SIPA1L2: variants seen among roughly 807,000 people sequenced by gnomAD.
SIPA1L2 encodes the protein signal-induced proliferation-associated 1-like protein 2.
In SIPA1L2, 56 loss-of-function variants were observed where a neutral mutation model predicts 163.9. The ratio of observed to expected loss-of-function variants is 0.34; its 90% confidence interval spans 0.28 to 0.43. The LOEUF (loss-of-function observed/expected upper bound fraction) is 0.43. SIPA1L2 is among the 20% of genes least tolerant of loss of function. The pLI is 1.00. For synonymous variants in SIPA1L2, 877 were observed against 865.7 expected (o/e 1.01, Z -0.23); for missense variants, 1,974 against 2,193.5 (o/e 0.90, Z 2.00).
At chr1:232,625,407 T>C (rs1663021870) in intron 1 of SIPA1L2, among the ~76,000 whole-genome samples, 2 of 152,134 alleles carry the variant, frequency 1.3e-5, no homozygotes, top group African/African-American at 2.4e-5. Context: ...AAAAGCATGA[T>C]GGAAAGAATC....
intron 1 of SIPA1L2, among the ~76,000 whole-genome samples, chr1:232,606,999 TA>T (rs2102866295): frequency 1.3e-5 from 2 of 152,122 alleles, no homozygotes; most frequent in East Asian, 3.9e-4. Context: ...TAAATACAAT[TA>T]AAAGAAAATA....
chr1:232,522,795 G>C (rs569976389), intron 2 of SIPA1L2, among the ~76,000 whole-genome samples: 3 of 152,270 alleles, frequency 2.0e-5, no homozygotes, highest in African/African-American at 7.2e-5. Context: ...TAATATATGA[G>C]TGTATATTTA....
At chr1:232,593,683 T>C (rs1365791737) in intron 1 of SIPA1L2, among the ~76,000 whole-genome samples, 1 of 152,096 alleles carries the variant, frequency 6.6e-6, no homozygotes, top group Non-Finnish European at 1.5e-5. Context: ...CAACAAGTTG[T>C]TGAAATTAAA....
At chr1:232,517,520 A>G (rs1321714016) in intron 2 of SIPA1L2, among the ~76,000 whole-genome samples, 1 of 152,186 alleles carries the variant, frequency 6.6e-6, no homozygotes. Context: ...AAACTATTAA[A>G]TATTAAAACT....
At chr1:232,546,659 A>G (rs935501782) in intron 2 of SIPA1L2, among the ~76,000 whole-genome samples, 2 of 152,250 alleles carry the variant, frequency 1.3e-5, no homozygotes, top group African/African-American at 4.8e-5. Flanking sequence ...TCCATCGACT[A>G]AATGTCTAGG....
intron 3 of SIPA1L2, among the ~76,000 whole-genome samples, chr1:232,500,947 C>T (rs1303017214): frequency 6.6e-6 from 1 of 151,992 alleles, no homozygotes; most frequent in Non-Finnish European, 1.5e-5. Context: ...ACCCACCATC[C>T]TGATCAGCCA....
intron 2 of SIPA1L2, among the ~76,000 whole-genome samples, chr1:232,546,945 G>A (rs1244970885): frequency 3.9e-5 from 6 of 152,256 alleles, no homozygotes; most frequent in African/African-American, 1.4e-4. Flanking sequence ...GGCATTCCAG[G>A]TAGAAGGAGC....
At chr1:232,545,911 A>T (rs1317147211) in intron 2 of SIPA1L2, among the ~76,000 whole-genome samples, 1 of 152,236 alleles carries the variant, frequency 6.6e-6, no homozygotes, top group Non-Finnish European at 1.5e-5. Flanking sequence ...ATAGATGCAG[A>T]TCTTATGCAG....
intron 2 of SIPA1L2, among the ~76,000 whole-genome samples, chr1:232,563,955 T>TAGTGTG (rs1558270699): frequency 8.6e-6 from 1 of 116,770 alleles, no homozygotes; most frequent in South Asian, 2.9e-4. Flanking sequence ...TTTTTTTTTT[T>TAGTGTG]CGTGTGTGTG....
intron 5 of SIPA1L2, among the ~76,000 whole-genome samples, chr1:232,484,730 G>A (rs1665559160): frequency 6.6e-6 from 1 of 152,154 alleles, no homozygotes; most frequent in Admixed American, 6.5e-5. Flanking sequence ...GTAAGAAACT[G>A]GAGGCATTTT....
intron 18 of SIPA1L2, among the ~76,000 whole-genome samples, chr1:232,421,727 A>G (rs1158032172): frequency 6.6e-6 from 1 of 152,090 alleles, no homozygotes; most frequent in Non-Finnish European, 1.5e-5. Context: ...ATGTGCAAGT[A>G]TTACATTATA....
At chr1:232,461,883 C>G (rs4233063) in intron 9 of SIPA1L2, among the ~76,000 whole-genome samples, 2 of 152,032 alleles carry the variant, frequency 1.3e-5, no homozygotes, top group Non-Finnish European at 2.9e-5. Flanking sequence ...GTGAGGACCA[C>G]TCAGATCCAT....
At position 232,627,090 on chromosome 1, in the gene SIPA1L2, C is replaced by T. The variant is rs529124006; in HGVS notation, c.-319+2779G>A. Among the ~76,000 whole-genome samples the T allele has an allele frequency of 3.2e-4, 49 of 152,242 alleles. No homozygotes were observed. In the South Asian group the frequency reaches 9.5e-3, roughly 30 times the overall value. On this transcript the variant is annotated intron_variant, in intron 1 of 22. Transcript: ENST00000674635. ...GCTTTTCAATTAACAATACCCTAGT[C>T]TAAATTTTCTTCAAATTCAGTGTGT...
In SIPA1L2 at chr1:232,475,318, C is replaced by T. The variant is rs549638671; in HGVS notation, c.2086-3790G>A. 3.3e-5 allele frequency among the ~76,000 whole-genome samples: 5 copies of T among 152,322 alleles called. No individual in the cohort carries two copies. In the East Asian group the frequency reaches 9.7e-4, roughly 29 times the overall value. On this transcript the variant is annotated intron_variant, in intron 7 of 22. Coordinates refer to ENST00000674635, the MANE Select transcript of SIPA1L2 (RefSeq NM_020808.5). ...AGTTCCTAATCTCTTGCCTGGAAAG[C>T]TCCTCCCCTTCACCCAGAGGGTTGG...
intron 10 of SIPA1L2, among the ~76,000 whole-genome samples, chr1:232,456,784 C>A (rs1350497950): frequency 6.6e-6 from 1 of 152,170 alleles, no homozygotes; most frequent in Non-Finnish European, 1.5e-5. Flanking sequence ...AACTCTTCAT[C>A]TTTGCCACAG....
At chr1:232,460,617 T>C (rs1230532870) in intron 10 of SIPA1L2, among the ~76,000 whole-genome samples, 2 of 152,092 alleles carry the variant, frequency 1.3e-5, no homozygotes, top group Non-Finnish European at 2.9e-5. Context: ...TTCCCCTTAG[T>C]TCAGAATAGC....
Position 232,514,599 on chromosome 1 carries a change from T to C in SIPA1L2, c.741A>G (p.Ala247=), listed in dbSNP as rs1417308117. The part of the protein sequence containing the change: ...DPAISPSLHA[A]AQISRGEFVR... Reference sequence around the variant, plus strand: ...CAAATTCTCCCCTAGAAATCTGTGCTGCTGCATGAAGGCTCGGAGAGATTG... The same window carrying C: ...CAAATTCTCCCCTAGAAATCTGTGCCGCTGCATGAAGGCTCGGAGAGATTG... Residue 247 remains alanine, a synonymous_variant, in exon 3 of 23, where the codon GCA becomes GCG. Transcript: ENST00000674635. 3.1e-6 allele frequency: 5 copies of C among 1,614,224 alleles called. No homozygotes were observed. The highest frequency in any genetic ancestry group is 3.4e-6 in the Non-Finnish European group (4 of 1,180,032).
chr1:232,531,884 G>GT (rs1443037923), intron 2 of SIPA1L2, among the ~76,000 whole-genome samples: 1 of 152,078 alleles, frequency 6.6e-6, no homozygotes, highest in Non-Finnish European at 1.5e-5. Context: ...GGGAGGAGGG[G>GT]AAGGAGCTCC....
At chr1:232,599,008 C>A (rs1661441934) in intron 1 of SIPA1L2, among the ~76,000 whole-genome samples, 2 of 151,208 alleles carry the variant, frequency 1.3e-5, no homozygotes, top group Admixed American at 1.3e-4. Context: ...GATTTTTTAG[C>A]CACTGCATTT....
Sources: allele counts gnomAD v4.1 joint callset (sites outside exome capture counted in the v4.1 genomes callset), GRCh38; gene constraint gnomAD v4.1.1; transcripts MANE v1.5; gene names NCBI Gene and HGNC (gene_info 2026-07-23, HGNC 2026-07-21).